Variants in MTPN observed in about 807,000 individuals in gnomAD.
MTPN encodes the protein granule cell differentiation protein.
MTPN carries 2 observed loss-of-function variants against 13.5 expected under a neutral mutation model. That is an observed-to-expected ratio of 0.15 (90% CI 0.06 to 0.47). The LOEUF is 0.47. Ranked by LOEUF, MTPN falls within the 20% of genes least tolerant of loss-of-function variation. MTPN has a pLI of 0.97. For synonymous variants in MTPN, 46 were observed against 51.7 expected (o/e 0.89, Z 0.48); for missense variants, 79 against 137.9 (o/e 0.57, Z 2.14).
intron 3 of MTPN, among the ~76,000 whole-genome samples, chr7:135,933,685 T>C (rs1799065468): frequency 6.6e-6 from 1 of 152,206 alleles, no homozygotes; most frequent in Admixed American, 6.5e-5. Context: ...TCCTCACAAA[T>C]GACTGAATCA....
intron 1 of MTPN, 47 bp downstream of exon 1, chr7:135,976,982 T>G (rs1016459342): frequency 3.2e-6 from 4 of 1,269,652 alleles, no homozygotes; most frequent in Non-Finnish European, 4.3e-6. Context: ...CAGCCTCATC[T>G]CCAGCCCACC....
At chr7:135,962,673 T>C (rs1026342031) in intron 1 of MTPN, among the ~76,000 whole-genome samples, 3 of 152,038 alleles carry the variant, frequency 2.0e-5, no homozygotes, top group African/African-American at 7.2e-5. Flanking sequence ...TTTTTAGAAG[T>C]TTCAGATTTT....
At chr7:135,969,933 C>T (rs1436071669) in intron 1 of MTPN, among the ~76,000 whole-genome samples, 5 of 152,108 alleles carry the variant, frequency 3.3e-5, no homozygotes, top group African/African-American at 1.2e-4. Context: ...TCTGATGATG[C>T]CCAGTGCTGT....
Position 135,951,428 on chromosome 7 carries a change from C to T in MTPN, c.186+89G>A, listed in dbSNP as rs149396548. On this transcript the variant is annotated intron_variant, in intron 2 of 3. Coordinates refer to ENST00000393085, the MANE Select transcript of MTPN (RefSeq NM_145808.4). ...ATTCTTATTTAGAATGAAGTTTCTA[C>T]AAATAGCTATTTTATAATCTATAGA... The T allele has an allele frequency of 2.4e-4, 154 of 650,792 alleles. No homozygotes were observed. The African/African-American group carries it at 2.5e-3, about 11-fold the overall frequency. The allele number at this position is 650,792 out of a possible 1,614,324, so 40.3% of individuals were successfully genotyped here.
chr7:135,970,343 C>T (rs1303178855), intron 1 of MTPN, among the ~76,000 whole-genome samples: 1 of 152,144 alleles, frequency 6.6e-6, no homozygotes, highest in Admixed American at 6.5e-5. Context: ...GAGGGGAGAT[C>T]TTTACCTTTC....
rs72648877 is a variant in MTPN at position 135,930,043 on chromosome 7, G to A, written c.271-31C>T. On this transcript the variant is annotated intron_variant, in intron 3 of 3. Coordinates refer to ENST00000393085, the MANE Select transcript of MTPN (RefSeq NM_145808.4). Reference sequence around the variant, plus strand: ...AAAGAGAGGAAAGGGCTCATTAAATGAGCCCACAACTGGGGGAAGGGAATG... The same window carrying A: ...AAAGAGAGGAAAGGGCTCATTAAATAAGCCCACAACTGGGGGAAGGGAATG... 0.014 allele frequency: 21,509 copies of A among 1,490,336 alleles called. 779 individuals carry two copies. In the East Asian group the frequency reaches 0.17, roughly 12 times the overall value. The allele number at this position is 1,490,336 out of a possible 1,614,324, so 92.3% of individuals were successfully genotyped here.
chr7:135,957,328 C>CAGA (rs1181258966), intron 1 of MTPN, among the ~76,000 whole-genome samples: 7 of 152,090 alleles, frequency 4.6e-5, no homozygotes, highest in Non-Finnish European at 7.4e-5. Context: ...ACTTCTGGTG[C>CAGA]TTCTAAGAGT....
intron 1 of MTPN, chr7:135,960,917 TAAG>T (rs1247906137): frequency 1.3e-5 from 2 of 151,926 alleles, no homozygotes; most frequent in Admixed American, 1.3e-4. Flanking sequence ...AAGGGTGTCT[TAAG>T]AAGAGAACAG....
At chr7:135,975,270 C>T (rs1799756194) in intron 1 of MTPN, among the ~76,000 whole-genome samples, 1 of 152,134 alleles carries the variant, frequency 6.6e-6, no homozygotes, top group Non-Finnish European at 1.5e-5. Flanking sequence ...ATTTACCTGC[C>T]TGAATGTGGA....
chr7:135,928,803 A>G lies in MTPN; in HGVS notation c.*1123T>C, dbSNP rs1315652627. ...TAAAAGCAACAAAAATATATTATGC[A>G]GGTGGGTTGGCATATGTTCAGCAGA... On this transcript the variant is annotated 3_prime_UTR_variant, in exon 4 of 4. Coordinates refer to ENST00000393085, the MANE Select transcript of MTPN (RefSeq NM_145808.4). 1 of 167,080 alleles carries G rather than the reference A, an allele frequency of 6.0e-6. No homozygotes were observed. Among genetic ancestry groups the G allele is most frequent in the East Asian group, 1.9e-4 (1 of 5,208 alleles). The allele number at this position is 167,080 out of a possible 1,614,324, so 10.3% of individuals were successfully genotyped here.
chr7:135,962,610 T>C (rs1799542126), intron 1 of MTPN, among the ~76,000 whole-genome samples: 1 of 151,986 alleles, frequency 6.6e-6, no homozygotes, highest in Non-Finnish European at 1.5e-5. Flanking sequence ...CTCCCTTACT[T>C]TCCTAACTGG....
chr7:135,977,240 G>A lies in MTPN; in HGVS notation c.-140C>T. Reference sequence around the variant, plus strand: ...GAAGAGAAGGAGGGTTAGGCTGCCAGGCGGGCGAGGCAGTTGGCCGCGGCG... The same window carrying A: ...GAAGAGAAGGAGGGTTAGGCTGCCAAGCGGGCGAGGCAGTTGGCCGCGGCG... On this transcript the variant is annotated 5_prime_UTR_variant, in exon 1 of 4. Transcript: ENST00000393085. 1.2e-6 allele frequency: 1 copy of A among 821,598 alleles called. No homozygotes were observed. The highest frequency in any genetic ancestry group is 2.0e-6 in the Non-Finnish European group (1 of 503,644). The allele number at this position is 821,598 out of a possible 1,614,324, so 50.9% of individuals were successfully genotyped here. A position where few individuals can be genotyped will look rare whatever the true frequency, so the allele number is the denominator to read the frequency against.
In MTPN at chr7:135,977,038, A is replaced by G. The variant is rs747577503; in HGVS notation, c.63T>C (p.Tyr21=). ...TCTCATCCCCGCTTACCTTGGCCAC[A>G]TAGTCTTTCACCTCATCCAAGTCTC... is the stretch of plus-strand genomic sequence containing the variant. ...KNGDLDEVKD[Y]VAKGEDVNRT... is the part of the protein sequence containing the mutation. Residue 21 remains tyrosine (Y), a synonymous_variant, in exon 1 of 4, where the codon TAT becomes TAC. Transcript: ENST00000393085. The G allele has an allele frequency of 1.7e-5, 27 of 1,608,186 alleles. No homozygotes were observed. The highest frequency in any genetic ancestry group is 5.5e-5 in the South Asian group (5 of 90,966).
Position 135,927,435 on chromosome 7 carries a change from A to G in MTPN, c.*2491T>C. 6.5e-7 allele frequency: 1 copy of G among 1,537,080 alleles called. No individual in the cohort carries two copies. Among genetic ancestry groups the G allele is most frequent in the Non-Finnish European group, 8.8e-7 (1 of 1,141,564 alleles). On this transcript the variant is annotated 3_prime_UTR_variant, in exon 4 of 4. Transcript: ENST00000393085. ...GTTTGTACTTGATATAGTGCATATG[A>G]AATGACTGATTTAATACAAAACTAC...
At chr7:135,965,653 G>A (rs1293700484) in intron 1 of MTPN, among the ~76,000 whole-genome samples, 1 of 152,092 alleles carries the variant, frequency 6.6e-6, no homozygotes, top group East Asian at 1.9e-4. Flanking sequence ...ATTCTAAAAT[G>A]ATAGTCATGA....
At chr7:135,959,157 G>A (rs13244737) in intron 1 of MTPN, among the ~76,000 whole-genome samples, 1,963 of 152,086 alleles carry the variant, frequency 0.013, 23 homozygotes, top group African/African-American at 0.025. Flanking sequence ...ATTCTTTCAC[G>A]AGACATCATT....
chr7:135,944,313 A>C (rs547089194), intron 3 of MTPN, among the ~76,000 whole-genome samples: 1 of 152,292 alleles, frequency 6.6e-6, no homozygotes, highest in Non-Finnish European at 1.5e-5. Context: ...TGTACATTAT[A>C]TGGAATTTTA....
At chr7:135,973,656 T>A (rs897261726) in intron 1 of MTPN, among the ~76,000 whole-genome samples, 24 of 152,216 alleles carry the variant, frequency 1.6e-4, no homozygotes, top group African/African-American at 5.8e-4. Flanking sequence ...GGGCTATGAA[T>A]ATCTCTTATA....
chr7:135,941,637 T>C (rs941583102), intron 3 of MTPN, among the ~76,000 whole-genome samples: 2 of 152,184 alleles, frequency 1.3e-5, no homozygotes, highest in African/African-American at 4.8e-5. Context: ...TTATTCCTTA[T>C]TTGAACACAG....
Sources: gnomAD v4.1 joint callset for allele counts (sites outside exome capture counted in the v4.1 genomes callset) on GRCh38, gnomAD v4.1.1 for gene constraint, MANE v1.5 for transcripts, NCBI Gene and HGNC (gene_info 2026-07-23, HGNC 2026-07-21) for gene names.